The following ZNF892 variants were observed in gnomAD, a reference collection of about 807,000 sequenced individuals.
ZNF892 encodes the protein zinc finger protein 570-like.
chr2:95,242,512 A>G, the ZNF892 span, among the ~76,000 whole-genome samples: 1 of 152,226 alleles, frequency 6.6e-6, no homozygotes, highest in Non-Finnish European at 1.5e-5. Context: ...ATGGAAAGGA[A>G]AAACTGTTAC....
the ZNF892 span, chr2:95,207,737 T>TG: frequency 2.5e-6 from 1 of 398,246 alleles, no homozygotes; most frequent in Non-Finnish European, 4.4e-6. Context: ...CCCGGCCTCT[T>TG]GGGGGACCCG....
the ZNF892 span, among the ~76,000 whole-genome samples, chr2:95,245,431 T>C: frequency 7.9e-6 from 1 of 126,782 alleles, no homozygotes; most frequent in Non-Finnish European, 1.6e-5. Flanking sequence ...TATTTTTTAG[T>C]ATTTTTTAGT....
the ZNF892 span, among the ~76,000 whole-genome samples, chr2:95,243,419 G>A: frequency 9.3e-5 from 14 of 151,030 alleles, no homozygotes; most frequent in Admixed American, 2.6e-4. Context: ...GCCTCTTCCC[G>A]GCCGCCATCC....
the ZNF892 span, among the ~76,000 whole-genome samples, chr2:95,207,278 GAA>G: frequency 1.3e-5 from 2 of 152,202 alleles, no homozygotes; most frequent in African/African-American, 2.4e-5. Flanking sequence ...GCGGAGATGC[GAA>G]AAGTCCCACG....
chr2:95,208,389 A>AGCACATG, the ZNF892 span, among the ~76,000 whole-genome samples: 1 of 152,222 alleles, frequency 6.6e-6, no homozygotes, highest in South Asian at 2.1e-4. Context: ...TATTTTGACT[A>AGCACATG]CTTAGCACAT....
chr2:95,208,925 T>C, the ZNF892 span, among the ~76,000 whole-genome samples: 6 of 152,212 alleles, frequency 3.9e-5, no homozygotes, highest in Non-Finnish European at 7.3e-5. Context: ...TTGCTTTCTC[T>C]CTGCCCACTG....
At chr2:95,256,109 T>G in the ZNF892 span, among the ~76,000 whole-genome samples, 4 of 152,236 alleles carry the variant, frequency 2.6e-5, no homozygotes, top group Admixed American at 1.3e-4. Context: ...TTTGATCCTG[T>G]CATTATGATG....
chr2:95,232,604 G>A, the ZNF892 span, among the ~76,000 whole-genome samples: 1 of 152,170 alleles, frequency 6.6e-6, no homozygotes, highest in African/African-American at 2.4e-5. Context: ...TACATCTAGT[G>A]TACTTGGTGA....
chr2:95,223,646 C>T, the ZNF892 span, among the ~76,000 whole-genome samples: 1 of 152,082 alleles, frequency 6.6e-6, no homozygotes, highest in Non-Finnish European at 1.5e-5. Flanking sequence ...AGCAATCTGC[C>T]CACCTTGGCC....
At chr2:95,250,549 A>G in the ZNF892 span, among the ~76,000 whole-genome samples, 8 of 147,060 alleles carry the variant, frequency 5.4e-5, no homozygotes, top group South Asian at 4.2e-4. Flanking sequence ...ATAAATTTAA[A>G]ATAGTCATAA....
chr2:95,212,110 C>G, the ZNF892 span: 1 of 397,774 alleles, frequency 2.5e-6, no homozygotes, highest in East Asian at 3.6e-5. Context: ...ACCTCACTCT[C>G]TCCCTCTCTT....
chr2:95,254,017 C>T, the ZNF892 span, among the ~76,000 whole-genome samples: 2 of 152,200 alleles, frequency 1.3e-5, no homozygotes, highest in Non-Finnish European at 2.9e-5. Context: ...ACAATCATGT[C>T]ATCTGCAAAC....
the ZNF892 span, among the ~76,000 whole-genome samples, chr2:95,242,881 G>A: frequency 2.9e-4 from 44 of 152,086 alleles, no homozygotes; most frequent in Non-Finnish European, 6.0e-4. Context: ...CTCTTTCCAC[G>A]GTCTCCCTCT....
At chr2:95,221,682 CT>C in the ZNF892 span, among the ~76,000 whole-genome samples, 1 of 152,028 alleles carries the variant, frequency 6.6e-6, no homozygotes, top group Non-Finnish European at 1.5e-5. Flanking sequence ...AACTTAGTCC[CT>C]TTTTTCTTTC....
the ZNF892 span, chr2:95,214,654 A>G: frequency 5.0e-6 from 2 of 401,594 alleles, no homozygotes; most frequent in African/African-American, 4.1e-5. Flanking sequence ...CAAAATTCAG[A>G]TATAATTAGG....
At chr2:95,261,268 A>G in the ZNF892 span, among the ~76,000 whole-genome samples, 48 of 149,600 alleles carry the variant, frequency 3.2e-4, no homozygotes, top group African/African-American at 1.2e-3. Context: ...CTTACCTCCA[A>G]CCATTTGTCA....
chr2:95,245,559 G>A, the ZNF892 span, among the ~76,000 whole-genome samples: 7 of 139,124 alleles, frequency 5.0e-5, no homozygotes, highest in Admixed American at 2.2e-4. Flanking sequence ...ATGAGCCACC[G>A]TGCCCAGCCT....
the ZNF892 span, among the ~76,000 whole-genome samples, chr2:95,218,763 T>A: frequency 6.6e-6 from 1 of 152,190 alleles, no homozygotes; most frequent in Non-Finnish European, 1.5e-5. Context: ...CAGCGTTCAG[T>A]TCCTGGCTTG....
chr2:95,216,898 C>T, the ZNF892 span, among the ~76,000 whole-genome samples: 6 of 152,154 alleles, frequency 3.9e-5, no homozygotes, highest in South Asian at 6.2e-4. Flanking sequence ...TGGTTGTAGT[C>T]TCACAAGTTC....
Sources: allele counts gnomAD v4.1 joint callset (sites outside exome capture counted in the v4.1 genomes callset), GRCh38; gene constraint gnomAD v4.1.1; transcripts MANE v1.5; gene names NCBI Gene and HGNC (gene_info 2026-07-23, HGNC 2026-07-21).